AVEN: variants seen among roughly 807,000 people sequenced by gnomAD.
The protein encoded by AVEN is cell death regulator Aven.
A neutral mutation model predicts 38.1 loss-of-function variants in AVEN; 41 were observed. The ratio of observed to expected loss-of-function variants is 1.08; its 90% CI spans 0.84 to 1.40. The LOEUF is 1.40. Ranked by LOEUF, AVEN falls within the 40% of genes most tolerant of loss-of-function variation. AVEN has a pLI of 0.00. For synonymous variants in AVEN, 206 were observed against 171.8 expected (o/e 1.20, Z -1.56); for missense variants, 605 against 438.8 (o/e 1.38, Z -3.38).
intron 1 of AVEN, among the ~76,000 whole-genome samples, chr15:34,027,909 C>T (rs534510936): frequency 6.6e-6 from 1 of 151,632 alleles, no homozygotes; most frequent in South Asian, 2.1e-4. Flanking sequence ...AGAACGTTGA[C>T]ATTACTGGGA....
intron 1 of AVEN, among the ~76,000 whole-genome samples, chr15:34,036,881 G>T (rs1470958523): frequency 3.3e-5 from 5 of 152,018 alleles, no homozygotes; most frequent in Non-Finnish European, 5.9e-5. Context: ...AGGCCGAGGC[G>T]GGTGGATCAC....
rs1194829607 is a variant in AVEN, at chr15:33,867,866, A to G, written c.613-11T>C. 6.4e-7 allele frequency: 1 copy of G among 1,551,628 alleles called. No individual in the cohort carries two copies. Among genetic ancestry groups the G allele is most frequent in the Non-Finnish European group, 8.7e-7 (1 of 1,154,914 alleles). On this transcript the variant is annotated splice_polypyrimidine_tract_variant and intron_variant, in intron 4 of 5. Coordinates refer to ENST00000306730, the MANE Select transcript of AVEN (RefSeq NM_020371.3). The stretch of plus-strand genomic sequence containing the variant: ...TAAAGGAACTGTACCCTGAAAGAGA[A>G]GTATAAAAACTGAGTTAAAAATGTG...
At chr15:33,860,697 A>C (rs1398600757) in intron 11 of AVEN, 1 of 1,393,984 alleles carries the variant, frequency 7.2e-7, no homozygotes, top group Non-Finnish European at 1.0e-6. Context: ...GCTCTATTTT[A>C]ATATCCCCAG....
chr15:33,867,679 AC>A lies in AVEN; in HGVS notation c.788del (p.Gly263ValfsTer24). Reference protein sequence around the residue: ...VLLGKDNPSPGPSRDSQKPTS... With the variant: ...VLLGKDNPSPXPSRDSQKPTS... ...TGGGTTTCTGAGAATCCCTTGAAGGACCCGGGCTTGGGTTGTCTTTGCCCAG... is the reference window on the plus strand; with the variant it reads ...TGGGTTTCTGAGAATCCCTTGAAGGACCGGGCTTGGGTTGTCTTTGCCCAG... On this transcript the variant is annotated frameshift_variant, in exon 5 of 6. Coordinates refer to ENST00000306730, the MANE Select transcript of AVEN (RefSeq NM_020371.3). LOFTEE classifies it high-confidence loss of function. 6.2e-7 allele frequency: 1 copy of A among 1,614,076 alleles called. No individual in the cohort carries two copies. Among genetic ancestry groups the A allele is most frequent in the Non-Finnish European group, 8.5e-7 (1 of 1,180,006 alleles).
chr15:33,954,973 C>T (rs1303461348), intron 2 of AVEN, among the ~76,000 whole-genome samples: 1 of 152,144 alleles, frequency 6.6e-6, no homozygotes, highest in Non-Finnish European at 1.5e-5. Flanking sequence ...TACAGCTTTG[C>T]ACTGGAGTGA....
chr15:33,910,742 C>G (rs879644899), intron 2 of AVEN, among the ~76,000 whole-genome samples: 6 of 152,158 alleles, frequency 3.9e-5, no homozygotes, highest in Admixed American at 3.9e-4. Context: ...CCAACGGACA[C>G]TCTGGTAGGG....
intron 2 of AVEN, among the ~76,000 whole-genome samples, chr15:33,889,114 C>G (rs1266821374): frequency 6.6e-6 from 1 of 152,124 alleles, no homozygotes; most frequent in African/African-American, 2.4e-5. Context: ...TTGAAAATAT[C>G]TTTCAGAAAA....
At chr15:33,942,309 C>T (rs1267313894) in intron 2 of AVEN, among the ~76,000 whole-genome samples, 1 of 152,134 alleles carries the variant, frequency 6.6e-6, no homozygotes, top group Non-Finnish European at 1.5e-5. Flanking sequence ...CTTCAAGCTC[C>T]CATTCAAAAT....
At chr15:34,034,208 T>C (rs970906973) in intron 1 of AVEN, among the ~76,000 whole-genome samples, 8 of 152,168 alleles carry the variant, frequency 5.3e-5, no homozygotes, top group African/African-American at 1.7e-4. Context: ...TTTGGGTGGC[T>C]GAGGCGGGAG....
intron 1 of AVEN, among the ~76,000 whole-genome samples, chr15:34,073,983 C>CTTTTTTTTTTTTTTTTTTTTTTT (rs1567498505): frequency 4.8e-5 from 1 of 20,814 alleles, no homozygotes; most frequent in African/African-American, 1.2e-4. Flanking sequence ...CTTTTTTCTT[C>CTTTTTTTTTTTTTTTTTTTTTTT]TTCTTCTTTT....
intron 1 of AVEN, among the ~76,000 whole-genome samples, chr15:34,024,260 A>C (rs1322722760): frequency 6.6e-6 from 1 of 152,216 alleles, no homozygotes; most frequent in Non-Finnish European, 1.5e-5. Flanking sequence ...TAATGCTATT[A>C]TAAATACATA....
chr15:34,064,513 C>A, intron 4 of AVEN: 1 of 666,750 alleles, frequency 1.5e-6, no homozygotes, highest in Non-Finnish European at 2.6e-6. Context: ...TTAAATGACT[C>A]TTGCCTATGA....
intron 2 of AVEN, among the ~76,000 whole-genome samples, chr15:33,936,621 C>CT (rs1178609404): frequency 1.3e-5 from 2 of 152,078 alleles, no homozygotes; most frequent in Non-Finnish European, 2.9e-5. Flanking sequence ...GGACTTTTGT[C>CT]TTGTTTTGTG....
intron 5 of AVEN, among the ~76,000 whole-genome samples, chr15:34,045,796 T>C (rs551053422): frequency 6.6e-6 from 1 of 152,310 alleles, no homozygotes; most frequent in South Asian, 2.1e-4. Flanking sequence ...AAGGAATTCA[T>C]TTGGTACACA....
At chr15:33,953,700 A>C (rs942113224) in intron 2 of AVEN, among the ~76,000 whole-genome samples, 5 of 152,266 alleles carry the variant, frequency 3.3e-5, no homozygotes, top group African/African-American at 1.2e-4. Context: ...AAGAAAACCT[A>C]GGCATTACCA....
At chr15:33,874,456 G>C (rs975432175) in intron 3 of AVEN, among the ~76,000 whole-genome samples, 1 of 152,042 alleles carries the variant, frequency 6.6e-6, no homozygotes, top group Non-Finnish European at 1.5e-5. Flanking sequence ...TCCTCAGACA[G>C]GACCTACCAG....
chr15:33,919,114 G>A (rs986663328), intron 2 of AVEN, among the ~76,000 whole-genome samples: 4 of 151,772 alleles, frequency 2.6e-5, no homozygotes, highest in African/African-American at 9.7e-5. Context: ...GTAGACACAG[G>A]GTTTCACTCT....
chr15:33,968,642 C>T (rs757848657), intron 2 of AVEN: 12 of 152,040 alleles, frequency 7.9e-5, no homozygotes, highest in African/African-American at 2.2e-4. Context: ...TCATCTTCTA[C>T]AGAAAGGAAG....
At chr15:33,916,397 C>T (rs1009813231) in intron 2 of AVEN, among the ~76,000 whole-genome samples, 4 of 152,176 alleles carry the variant, frequency 2.6e-5, no homozygotes, top group African/African-American at 4.8e-5. Context: ...CCCAGAAACT[C>T]CGCTGGGTGG....
Sources: gnomAD v4.1 joint callset for allele counts (sites outside exome capture counted in the v4.1 genomes callset) on GRCh38, gnomAD v4.1.1 for gene constraint, MANE v1.5 for transcripts, NCBI Gene and HGNC (gene_info 2026-07-23, HGNC 2026-07-21) for gene names.